Variants in ANK2 observed in about 807,000 individuals in gnomAD.
The protein encoded by ANK2 is ankyrin 2.
Under a neutral mutation model 360.5 loss-of-function variants are expected in ANK2, and 83 were observed. The observed-to-expected ratio is 0.23, with a 90% CI of 0.19 to 0.28. The LOEUF (loss-of-function observed/expected upper bound fraction) is 0.28. ANK2 is among the 10% of genes least tolerant of loss of function. The probability of loss-of-function intolerance (pLI) is 1.00; values close to 1 mark genes in which losing one functional copy is unlikely to be tolerated. For missense variants in ANK2, 4,201 were observed against 4,795.7 expected (o/e 0.88, Z 3.66); for synonymous variants, 1,740 against 1,759.5 (o/e 0.99, Z 0.28).
rs186299980 is a variant in ANK2 at position 112,822,785 on chromosome 4, G to C, written c.-40+4521G>C. ...AAATAATAAAAACAAAACAAAGAAAGAAAGATTTAAAAGATGTTTAATTCA... is the reference window on the plus strand; with the variant it reads ...AAATAATAAAAACAAAACAAAGAAACAAAGATTTAAAAGATGTTTAATTCA... On this transcript the variant is annotated intron_variant, in intron 1 of 30. Transcript: ENST00000503271. Among the ~76,000 whole-genome samples, 947 of 150,580 alleles carry C rather than the reference G, an allele frequency of 6.3e-3. 5 individuals are homozygous for C. Among genetic ancestry groups the C allele is most frequent in the Non-Finnish European group, 0.01 (699 of 67,602 alleles).
intron 1 of ANK2, among the ~76,000 whole-genome samples, chr4:112,831,796 C>T (rs2059800969): frequency 6.6e-6 from 1 of 152,148 alleles, no homozygotes; most frequent in Non-Finnish European, 1.5e-5. Context: ...AGCTTCACTC[C>T]TGAAGCCAGC....
At chr4:112,976,658 G>C (rs959353740) in intron 2 of ANK2, among the ~76,000 whole-genome samples, 12 of 150,900 alleles carry the variant, frequency 8.0e-5, no homozygotes, top group Non-Finnish European at 1.6e-4. Flanking sequence ...TATTCATGCT[G>C]TATTTGCTTT....
the ANK2 span, among the ~76,000 whole-genome samples, chr4:112,783,149 T>TC: frequency 6.6e-6 from 1 of 152,000 alleles, no homozygotes; most frequent in Non-Finnish European, 1.5e-5. Flanking sequence ...ACCTCGTGAT[T>TC]CCCCCCGCAT....
chr4:113,023,247 A>G (rs778284311), intron 2 of ANK2, among the ~76,000 whole-genome samples: 1 of 152,212 alleles, frequency 6.6e-6, no homozygotes, highest in Non-Finnish European at 1.5e-5. Context: ...TACATTTCAC[A>G]TTATTTTTTC....
intron 2 of ANK2, among the ~76,000 whole-genome samples, chr4:112,987,726 CTTAGTTAGGCAATACATGTA>C (rs2045418708): frequency 6.6e-6 from 1 of 151,706 alleles, no homozygotes. Flanking sequence ...TATTGCCTAA[CTTAGTTAGGCAATACATGTA>C]TTAGTTAGGC....
At chr4:113,301,344 G>A (rs1426793761) in intron 22 of ANK2, among the ~76,000 whole-genome samples, 1 of 150,300 alleles carries the variant, frequency 6.7e-6, no homozygotes, top group Non-Finnish European at 1.5e-5. Context: ...AATAAAAATT[G>A]TACATATTTA....
intron 24 of ANK2, 73 bp from the exon 25 acceptor site, chr4:113,317,634 C>T (rs543166289): frequency 3.4e-4 from 395 of 1,150,858 alleles, no homozygotes; most frequent in Admixed American, 3.4e-4. Flanking sequence ...CTCTCCTGCT[C>T]GGCTCATCAT....
At chr4:113,092,497 T>C (rs1291059936) in intron 1 of ANK2, among the ~76,000 whole-genome samples, 1 of 152,196 alleles carries the variant, frequency 6.6e-6, no homozygotes, top group Admixed American at 6.5e-5. Context: ...CATCAACAGA[T>C]TATTCCTATG....
chr4:112,787,489 G>T, the ANK2 span, among the ~76,000 whole-genome samples: 3 of 152,174 alleles, frequency 2.0e-5, no homozygotes, highest in African/African-American at 7.2e-5. Flanking sequence ...TGTCTTCTTA[G>T]GGGGTTGCTC....
chr4:112,971,658 G>A (rs1295224500), intron 2 of ANK2, among the ~76,000 whole-genome samples: 2 of 152,104 alleles, frequency 1.3e-5, no homozygotes, highest in Non-Finnish European at 2.9e-5. Flanking sequence ...GAAATACATT[G>A]GTTCCTTCAG....
At chr4:112,958,188 G>C (rs921655613) in intron 2 of ANK2, among the ~76,000 whole-genome samples, 1 of 152,160 alleles carries the variant, frequency 6.6e-6, no homozygotes, top group Non-Finnish European at 1.5e-5. Flanking sequence ...CTTCCCAGAC[G>C]GGGTGGCGGC....
At chr4:113,196,586 G>T in intron 3 of ANK2, 120 bp downstream of exon 3, 1 of 920,100 alleles carries the variant, frequency 1.1e-6, no homozygotes. Context: ...GTAGTGCAGT[G>T]GTACAATCAC....
the ANK2 span, among the ~76,000 whole-genome samples, chr4:112,739,946 T>C: frequency 2.0e-5 from 3 of 152,062 alleles, no homozygotes; most frequent in African/African-American, 7.2e-5. Context: ...CAGTGAACTG[T>C]GATCACACCA....
chr4:113,215,600 T>G (rs1310057809), intron 4 of ANK2, among the ~76,000 whole-genome samples: 2 of 152,092 alleles, frequency 1.3e-5, no homozygotes, highest in African/African-American at 2.4e-5. Flanking sequence ...AACTTTACCT[T>G]GGTATAACAT....
chr4:113,233,104 CTGTTTTT>C (rs2099330952), intron 5 of ANK2, among the ~76,000 whole-genome samples: 1 of 29,304 alleles, frequency 3.4e-5, no homozygotes, highest in Admixed American at 3.7e-4. Context: ...CTTGGCTTTT[CTGTTTTT>C]TTTTTTTTTT....
intron 2 of ANK2, among the ~76,000 whole-genome samples, chr4:113,174,954 C>T (rs917081603): frequency 3.9e-5 from 6 of 152,046 alleles, no homozygotes; most frequent in African/African-American, 9.7e-5. Flanking sequence ...AAATATGGCT[C>T]ATAATGAGAA....
intron 2 of ANK2, among the ~76,000 whole-genome samples, chr4:112,991,047 G>T (rs2046564613): frequency 6.6e-6 from 1 of 151,908 alleles, no homozygotes; most frequent in Non-Finnish European, 1.5e-5. Flanking sequence ...GTCAAGAGAT[G>T]GGGACCATCC....
intron 22 of ANK2, among the ~76,000 whole-genome samples, chr4:113,296,065 G>C (rs914163276): frequency 6.6e-6 from 1 of 152,040 alleles, no homozygotes; most frequent in Non-Finnish European, 1.5e-5. Context: ...AATATGTAAG[G>C]CATTGAGGGA....
chr4:112,751,516 A>G, the ANK2 span, among the ~76,000 whole-genome samples: 8 of 152,132 alleles, frequency 5.3e-5, no homozygotes, highest in South Asian at 4.1e-4. Flanking sequence ...AAGAAAGAAG[A>G]TATCATTGTG....
Sources: gnomAD v4.1 joint callset for allele counts (sites outside exome capture counted in the v4.1 genomes callset) on GRCh38, gnomAD v4.1.1 for gene constraint, MANE v1.5 for transcripts, NCBI Gene and HGNC (gene_info 2026-07-23, HGNC 2026-07-21) for gene names.